STXBP4: variants seen among roughly 807,000 people sequenced by gnomAD.
STXBP4 encodes syntaxin binding protein 4.
In STXBP4, 55 loss-of-function variants were observed where a neutral mutation model predicts 76.1. The ratio of observed to expected loss-of-function variants is 0.72; its 90% CI spans 0.58 to 0.91. STXBP4 has a LOEUF of 0.91. STXBP4 is among the 40% of genes least tolerant of loss of function. The pLI is 0.00. For synonymous variants in STXBP4, 201 were observed against 220.2 expected (o/e 0.91, Z 0.77); for missense variants, 618 against 636.9 (o/e 0.97, Z 0.32).
At chr17:54,968,900 G>A in intron 1 of STXBP4, 85 bp downstream of exon 1, 2 of 414,668 alleles carry the variant, frequency 4.8e-6, no homozygotes, top group Non-Finnish European at 8.8e-6. Flanking sequence ...AATGCGTTTC[G>A]CCCGTCCGCG....
chr17:55,090,194 A>G (rs2079393004), intron 16 of STXBP4, among the ~76,000 whole-genome samples: 2 of 152,046 alleles, frequency 1.3e-5, no homozygotes, highest in South Asian at 4.1e-4. Context: ...TTAGTGAGTC[A>G]GTGGCATTTG....
intron 13 of STXBP4, 84 bp downstream of exon 13, chr17:55,073,160 A>G: frequency 8.1e-7 from 1 of 1,242,102 alleles, no homozygotes; most frequent in Non-Finnish European, 1.2e-6. Context: ...TTTCATCTGC[A>G]CTTCTAAACT....
At chr17:55,089,609 T>A (rs1488321035) in intron 16 of STXBP4, among the ~76,000 whole-genome samples, 1 of 152,236 alleles carries the variant, frequency 6.6e-6, no homozygotes, top group Non-Finnish European at 1.5e-5. Flanking sequence ...TATTTACATG[T>A]TCTATATCAT....
At chr17:55,175,877 G>A (rs1477807021), downstream of STXBP4, among the ~76,000 whole-genome samples, 1 of 152,158 alleles carries the variant, frequency 6.6e-6, no homozygotes, top group Admixed American at 6.5e-5. Context: ...ATTGCTAGAA[G>A]GAAGCCAACC....
At chr17:54,973,987 T>C (rs1007390268) in intron 1 of STXBP4, among the ~76,000 whole-genome samples, 3 of 152,244 alleles carry the variant, frequency 2.0e-5, no homozygotes, top group African/African-American at 7.2e-5. Context: ...ATTCACATAA[T>C]GTTTTCTTAT....
rs1231822526 is a variant in STXBP4 at position 55,172,469 on chromosome 17, T to C, written c.*12558T>C. ...ACTTTCTTGGATGCATATATTCTTATAGCCTCAAAACTGAAACTGCAAACT... is the reference window on the plus strand; with the variant it reads ...ACTTTCTTGGATGCATATATTCTTACAGCCTCAAAACTGAAACTGCAAACT... On this transcript the variant is annotated 3_prime_UTR_variant, in exon 18 of 18. Transcript: ENST00000376352. 2.0e-5 allele frequency: 3 copies of C among 152,228 alleles called. No homozygotes were observed. The highest frequency in any genetic ancestry group is 4.4e-5 in the Non-Finnish European group (3 of 68,046). The allele number at this position is 152,228 out of a possible 1,614,324, so 9.4% of individuals were successfully genotyped here.
At chr17:55,204,370 C>T in the STXBP4 span, among the ~76,000 whole-genome samples, 10 of 151,922 alleles carry the variant, frequency 6.6e-5, no homozygotes, top group African/African-American at 2.4e-4. Context: ...AAAGTTTATT[C>T]CTGATAAACT....
chr17:55,092,844 G>C (rs1470874020), intron 16 of STXBP4, among the ~76,000 whole-genome samples: 1 of 152,158 alleles, frequency 6.6e-6, no homozygotes, highest in East Asian at 1.9e-4. Context: ...CTAAAGCTTA[G>C]ACTTGATATG....
At chr17:55,113,697 C>T (rs947298580) in intron 16 of STXBP4, among the ~76,000 whole-genome samples, 6 of 151,984 alleles carry the variant, frequency 3.9e-5, no homozygotes, top group Non-Finnish European at 7.4e-5. Context: ...ATGAATAAGC[C>T]GGAAAAACTG....
chr17:55,137,750 C>T (rs938516775), intron 16 of STXBP4, among the ~76,000 whole-genome samples: 1 of 152,046 alleles, frequency 6.6e-6, no homozygotes, highest in Non-Finnish European at 1.5e-5. Context: ...AATCTAACCA[C>T]TCAATAAATG....
chr17:55,146,293 T>G (rs924643293), intron 17 of STXBP4, among the ~76,000 whole-genome samples: 2 of 152,214 alleles, frequency 1.3e-5, no homozygotes, highest in Non-Finnish European at 2.9e-5. Context: ...CCAATATGTA[T>G]TTTCTTACTC....
chr17:55,176,506 G>A (rs2145222451), downstream of STXBP4, among the ~76,000 whole-genome samples: 1 of 152,286 alleles, frequency 6.6e-6, no homozygotes, highest in African/African-American at 2.4e-5. Flanking sequence ...TAACTCTGGA[G>A]AAGTAAGCAG....
intron 16 of STXBP4, among the ~76,000 whole-genome samples, chr17:55,086,602 G>C (rs773304358): frequency 6.6e-6 from 1 of 152,014 alleles, no homozygotes. Flanking sequence ...TTACTTCCGT[G>C]AGATCAACTT....
rs1364066020 is a variant in STXBP4, at chr17:55,034,406, CAAAAGT to C, written c.855+154_855+159del. On this transcript the variant is annotated intron_variant, in intron 10 of 17. Coordinates refer to ENST00000376352, the MANE Select transcript of STXBP4 (RefSeq NM_178509.6). ...ATATAAATACAAATCAATTTAAAAT[CAAAAGT>C]AAAAGTTCATCCTGATATTCATTCT... The C allele has an allele frequency of 4.3e-5, 22 of 516,516 alleles. No individual in the cohort carries two copies. In the East Asian group the frequency reaches 5.1e-4, roughly 12 times the overall value. 32.0% of individuals were successfully genotyped at this position (516,516 alleles called of 1,614,324 possible). A position where few individuals can be genotyped will look rare whatever the true frequency, so the allele number is the denominator to read the frequency against.
chr17:54,997,899 A>T (rs1418811395), intron 4 of STXBP4, among the ~76,000 whole-genome samples: 1 of 151,390 alleles, frequency 6.6e-6, no homozygotes, highest in Non-Finnish European at 1.5e-5. Flanking sequence ...ATATATTTTT[A>T]AAAATTAAGT....
chr17:55,144,167 A>G (rs2080125782), intron 17 of STXBP4, among the ~76,000 whole-genome samples: 1 of 152,204 alleles, frequency 6.6e-6, no homozygotes. Context: ...TTAAAACAGC[A>G]GAATAGAAAC....
In STXBP4 at chr17:55,097,578, G is replaced by C. The variant is rs370475242; in HGVS notation, c.1489+16395G>C. On this transcript the variant is annotated intron_variant, in intron 16 of 17. Transcript: ENST00000376352. ...CTCAGGAGGCTGAGGCAGGAGAATG[G>C]CATGAACCCGGGAGGCGGAGCTTGC... Among the ~76,000 whole-genome samples the C allele has an allele frequency of 1.4e-3, 216 of 151,932 alleles. 1 individual carries two copies. Among genetic ancestry groups the C allele is most frequent in the African/African-American group, 5.0e-3 (207 of 41,424 alleles).
At chr17:55,110,550 G>A (rs2079699583) in intron 16 of STXBP4, among the ~76,000 whole-genome samples, 1 of 152,182 alleles carries the variant, frequency 6.6e-6, no homozygotes, top group Non-Finnish European at 1.5e-5. Flanking sequence ...GGGGATATAT[G>A]AACAATAAGG....
intron 16 of STXBP4, among the ~76,000 whole-genome samples, chr17:55,091,656 G>A (rs1464288034): frequency 6.6e-6 from 1 of 152,116 alleles, no homozygotes; most frequent in African/African-American, 2.4e-5. Context: ...TTTTTTCTGA[G>A]CAAGCATGAT....
Sources: allele counts gnomAD v4.1 joint callset (sites outside exome capture counted in the v4.1 genomes callset), GRCh38; gene constraint gnomAD v4.1.1; transcripts MANE v1.5; gene names NCBI Gene and HGNC (gene_info 2026-07-23, HGNC 2026-07-21).